PCDHGB1: variants seen among roughly 807,000 people sequenced by gnomAD.
PCDHGB1 encodes the protein protocadherin gamma subfamily B, 1, also known as protocadherin gamma-B1.
PCDHGB1 carries 34 observed loss-of-function variants against 56.6 expected under a neutral mutation model. That is an observed-to-expected ratio of 0.60 (90% CI 0.46 to 0.80). The LOEUF is 0.80. PCDHGB1 is among the 30% of genes least tolerant of loss of function. The pLI is 0.00. For synonymous variants in PCDHGB1, 561 were observed against 505.9 expected (o/e 1.11, Z -1.46); for missense variants, 1,278 against 1,204.6 (o/e 1.06, Z -0.90).
chr5:141,395,019 C>T (rs374672662), intron 1 of PCDHGB1: 5 of 1,613,986 alleles, frequency 3.1e-6, no homozygotes, highest in South Asian at 1.1e-5. Context: ...GGTAGGCGTG[C>T]CTGCCTCACA....
intron 2 of PCDHGB1, among the ~76,000 whole-genome samples, chr5:141,505,066 G>A (rs1312509903): frequency 6.6e-6 from 1 of 152,190 alleles, no homozygotes; most frequent in Non-Finnish European, 1.5e-5. Flanking sequence ...GGAGACTGAG[G>A]CAGGAGAATC....
At chr5:141,356,246 T>A (rs1421799660) in intron 1 of PCDHGB1, 2 of 1,579,642 alleles carry the variant, frequency 1.3e-6, no homozygotes, top group African/African-American at 1.3e-5. Context: ...GAAGTCACAG[T>A]TACATCTCTC....
Position 141,459,563 on chromosome 5 carries a change from C to T in PCDHGB1, c.2410-35244C>T, listed in dbSNP as rs1382676727. On this transcript the variant is annotated intron_variant, in intron 1 of 3. Coordinates refer to ENST00000523390, the MANE Select transcript of PCDHGB1 (RefSeq NM_018922.3). ...TTTTATTTCTCTTGGATAAATACCCCAAAACAGAATTGTTTTGGGGGTCAT... is the reference window on the plus strand; with the variant it reads ...TTTTATTTCTCTTGGATAAATACCCTAAAACAGAATTGTTTTGGGGGTCAT... Among the ~76,000 whole-genome samples, 21 of 152,044 alleles carry T rather than the reference C, an allele frequency of 1.4e-4. 1 individual carries two copies.
chr5:141,427,197 A>C (rs1277186420), intron 1 of PCDHGB1: 4 of 456,762 alleles, frequency 8.8e-6, no homozygotes, highest in Admixed American at 2.3e-5. Context: ...CAAAGACTTA[A>C]TAGACTTCGA....
chr5:141,383,455 G>A (rs1330166497), intron 1 of PCDHGB1: 1 of 1,613,936 alleles, frequency 6.2e-7, no homozygotes, highest in South Asian at 1.1e-5. Context: ...GCAAAGTGGA[G>A]ACGATGAAAC....
At chr5:141,454,313 G>A (rs986902404) in intron 1 of PCDHGB1, among the ~76,000 whole-genome samples, 1 of 152,296 alleles carries the variant, frequency 6.6e-6, no homozygotes, top group Non-Finnish European at 1.5e-5. Context: ...TCAAAGCATT[G>A]AAACCTCCAA....
Position 141,490,732 on chromosome 5 carries a change from G to A in PCDHGB1, c.2410-4075G>A, listed in dbSNP as rs775388969. 6.2e-6 allele frequency: 10 copies of A among 1,614,188 alleles called. No homozygotes were observed. The highest frequency in any genetic ancestry group is 8.5e-6 in the Non-Finnish European group (10 of 1,180,042). ...CACCTACTCCATTGTAGGAAATCAG[G>A]TTCAGGGAGCCCCAGCCTCCTCCTT... On this transcript the variant is annotated intron_variant, in intron 1 of 3. Transcript: ENST00000523390. This position sits in a 1 kb window ranked among gnomAD's most constrained non-coding sequence, Gnocchi z 5.4.
At chr5:141,424,357 G>A (rs1171882619) in intron 1 of PCDHGB1, 1 of 152,122 alleles carries the variant, frequency 6.6e-6, no homozygotes, top group Non-Finnish European at 1.5e-5. Context: ...ATAAAATTTA[G>A]ATCACATTTT....
At chr5:141,422,747 C>T (rs1381295469) in intron 1 of PCDHGB1, 2 of 1,611,224 alleles carry the variant, frequency 1.2e-6, no homozygotes, top group Non-Finnish European at 1.7e-6. Context: ...TCCTATGTCT[C>T]TATTAACTCC....
intron 1 of PCDHGB1, chr5:141,400,120 C>T: frequency 1.2e-6 from 2 of 1,614,076 alleles, no homozygotes; most frequent in Non-Finnish European, 1.7e-6. Flanking sequence ...TGACAGCTTG[C>T]AGGAGGTGCT....
intron 1 of PCDHGB1, chr5:141,360,361 A>G (rs778766026): frequency 6.2e-7 from 1 of 1,613,910 alleles, no homozygotes; most frequent in Non-Finnish European, 8.5e-7. Flanking sequence ...GGAATATTTC[A>G]CAGTAAACCC....
intron 1 of PCDHGB1, among the ~76,000 whole-genome samples, chr5:141,483,526 G>A (rs2099582495): frequency 6.6e-6 from 1 of 152,118 alleles, no homozygotes; most frequent in African/African-American, 2.4e-5. Flanking sequence ...TCCTGACTAA[G>A]GAAGCTGGGT....
chr5:141,494,142 A>AAGACAACT (rs2099752181), intron 1 of PCDHGB1, among the ~76,000 whole-genome samples: 5 of 152,090 alleles, frequency 3.3e-5, no homozygotes, highest in Admixed American at 6.5e-5. Context: ...TTAGTCACAG[A>AAGACAACT]CCATTGTCTG....
In PCDHGB1 at chr5:141,511,269, C is replaced by A; in HGVS notation, c.*96C>A. The A allele has an allele frequency of 1.3e-6, 2 of 1,546,672 alleles. No homozygotes were observed. Among genetic ancestry groups the A allele is most frequent in the Non-Finnish European group, 1.7e-6 (2 of 1,145,264 alleles). The stretch of plus-strand genomic sequence containing the variant: ...AGGCCTCAGAGTTTCAGGGCTAACC[C>A]CCAGAATACTGGTAGGGGCCAAGGC... On this transcript the variant is annotated 3_prime_UTR_variant, in exon 4 of 4. Transcript: ENST00000523390.
At position 141,415,772 on chromosome 5, in the gene PCDHGB1, T is replaced by A. The variant is rs540545854; in HGVS notation, c.2409+63103T>A. On this transcript the variant is annotated intron_variant, in intron 1 of 3. Coordinates refer to ENST00000523390, the MANE Select transcript of PCDHGB1 (RefSeq NM_018922.3). ...TTTTTTTTTTTTTTTTTTTTTTTTT[T>A]ACTTTCTGGTAAAATTCACCTAGTC... is the stretch of plus-strand genomic sequence containing the variant. 5,409 of 1,336,512 alleles carry A rather than the reference T, an allele frequency of 4.0e-3. 27 individuals carry two copies. The highest frequency in any genetic ancestry group is 7.3e-3 in the Admixed American group (200 of 27,462). 82.8% of individuals were successfully genotyped at this position (1,336,512 alleles called of 1,614,324 possible).
intron 1 of PCDHGB1, chr5:141,395,296 ATG>A: frequency 6.6e-7 from 1 of 1,524,308 alleles, no homozygotes. Flanking sequence ...GGCATAAATT[ATG>A]TTTTGAAAAA....
At chr5:141,455,225 C>CA (rs2098817003) in intron 1 of PCDHGB1, among the ~76,000 whole-genome samples, 2 of 151,666 alleles carry the variant, frequency 1.3e-5, no homozygotes, top group South Asian at 2.1e-4. Context: ...AATGCTTTGA[C>CA]AAAAAATGTT....
chr5:141,387,767 T>C, intron 1 of PCDHGB1: 5 of 1,435,258 alleles, frequency 3.5e-6, no homozygotes, highest in Non-Finnish European at 4.6e-6. Context: ...AAGAAGAATT[T>C]TTTCTTGAAC....
At chr5:141,373,840 A>T in intron 1 of PCDHGB1, 1 of 434,496 alleles carries the variant, frequency 2.3e-6, no homozygotes, top group Non-Finnish European at 4.1e-6. Context: ...TTAAGTTAGG[A>T]CTCTAAGCGT....
Sources: allele counts gnomAD v4.1 joint callset (sites outside exome capture counted in the v4.1 genomes callset), GRCh38; gene constraint gnomAD v4.1.1; non-coding constraint Gnocchi (gnomAD v3.1); transcripts MANE v1.5; gene names NCBI Gene and HGNC (gene_info 2026-07-23, HGNC 2026-07-21).